The following SOCS2 variants were observed in gnomAD, a reference collection of about 807,000 sequenced individuals.
SOCS2 encodes CIS-2.
In SOCS2, 10 loss-of-function variants were observed where a neutral mutation model predicts 18.6. The observed-to-expected ratio is 0.54, with a 90% CI of 0.33 to 0.91. The LOEUF (loss-of-function observed/expected upper bound fraction) is 0.91. Ranked by LOEUF, SOCS2 falls within the 40% of genes least tolerant of loss-of-function variation. The probability of loss-of-function intolerance (pLI) is 0.02; values close to 1 mark genes in which losing one functional copy is unlikely to be tolerated. For synonymous variants in SOCS2, 104 were observed against 104.0 expected (o/e 1.00, Z 0.00); for missense variants, 231 against 247.2 (o/e 0.93, Z 0.44).
chr12:93,586,848 A>T (rs1954587475), downstream of SOCS2, among the ~76,000 whole-genome samples: 1 of 152,126 alleles, frequency 6.6e-6, no homozygotes, highest in Non-Finnish European at 1.5e-5. Context: ...TGTAGTCATG[A>T]AGCAAGGTTC....
the SOCS2 span, among the ~76,000 whole-genome samples, chr12:93,598,355 G>C: frequency 6.6e-6 from 1 of 152,128 alleles, no homozygotes; most frequent in African/African-American, 2.4e-5. Flanking sequence ...AGGAGAGGGG[G>C]AGATTAGGAA....
chr12:93,598,504 C>T, the SOCS2 span, among the ~76,000 whole-genome samples: 8 of 152,260 alleles, frequency 5.3e-5, no homozygotes, highest in East Asian at 7.7e-4. Context: ...AGAGTTAGGA[C>T]GCTGTTTCCA....
the SOCS2 span, among the ~76,000 whole-genome samples, chr12:93,601,108 CT>C: frequency 5.0e-5 from 7 of 140,642 alleles, no homozygotes; most frequent in Non-Finnish European, 6.1e-5. Context: ...CTCTCTCTCT[CT>C]TTTTTTTTTT....
chr12:93,620,193 T>C, the SOCS2 span, among the ~76,000 whole-genome samples: 1 of 152,218 alleles, frequency 6.6e-6, no homozygotes, highest in East Asian at 1.9e-4. Flanking sequence ...TTACATATAC[T>C]GTATAAACAA....
chr12:93,611,258 G>T, the SOCS2 span, among the ~76,000 whole-genome samples: 1 of 152,126 alleles, frequency 6.6e-6, no homozygotes, highest in African/African-American at 2.4e-5. Flanking sequence ...TGAGACAGGA[G>T]ACGGAGTCTC....
At chr12:93,597,679 G>A in the SOCS2 span, among the ~76,000 whole-genome samples, 1 of 152,094 alleles carries the variant, frequency 6.6e-6, no homozygotes, top group Admixed American at 6.6e-5. Context: ...AAAGTACAGG[G>A]AATATTGTAA....
chr12:93,578,424 G>A (rs1036311080), downstream of SOCS2, among the ~76,000 whole-genome samples: 1 of 152,154 alleles, frequency 6.6e-6, no homozygotes, highest in East Asian at 1.9e-4. Context: ...TTAGGCACGG[G>A]GTAGGTGGGG....
chr12:93,574,198 C>G (rs1464652422), intron 1 of SOCS2: 2 of 139,184 alleles, frequency 1.4e-5, no homozygotes, highest in African/African-American at 5.3e-5. Context: ...GCAGGCTTTG[C>G]AGATTCTTTT....
the SOCS2 span, among the ~76,000 whole-genome samples, chr12:93,614,536 C>CTTTCTCTTTCT: frequency 1.6e-5 from 1 of 60,920 alleles, no homozygotes; most frequent in African/African-American, 9.5e-5. Context: ...TCCTTCCTTC[C>CTTTCTCTTTCT]TTCCTTCTTT....
chr12:93,596,832 A>G, the SOCS2 span, among the ~76,000 whole-genome samples: 1 of 152,086 alleles, frequency 6.6e-6, no homozygotes, highest in Non-Finnish European at 1.5e-5. Context: ...TGTCTCAAAC[A>G]AACAACAACA....
chr12:93,617,982 T>C, the SOCS2 span, among the ~76,000 whole-genome samples: 2 of 152,150 alleles, frequency 1.3e-5, 1 homozygote, highest in East Asian at 3.9e-4. Context: ...GTGTTGGAAA[T>C]GGGATCTGGT....
At chr12:93,612,359 G>T in the SOCS2 span, among the ~76,000 whole-genome samples, 4 of 150,620 alleles carry the variant, frequency 2.7e-5, no homozygotes, top group South Asian at 8.4e-4. Flanking sequence ...CAGTGCCATT[G>T]TACTTTTTTT....
chr12:93,597,648 A>G, the SOCS2 span, among the ~76,000 whole-genome samples: 1 of 152,198 alleles, frequency 6.6e-6, no homozygotes. Context: ...AATTTTTTGT[A>G]TTATGAAATA....
At chr12:93,621,111 G>A in the SOCS2 span, among the ~76,000 whole-genome samples, 4 of 151,902 alleles carry the variant, frequency 2.6e-5, no homozygotes, top group Non-Finnish European at 5.9e-5. Context: ...ATACGTCCTC[G>A]TGACTGTTCC....
the SOCS2 span, among the ~76,000 whole-genome samples, chr12:93,591,450 T>C: frequency 2.0e-5 from 3 of 152,200 alleles, no homozygotes; most frequent in African/African-American, 7.2e-5. Context: ...TCTGTCTGTC[T>C]GCGGCAAGAG....
At chr12:93,582,526 A>C (rs933273308) in intron 1 of SOCS2, among the ~76,000 whole-genome samples, 1 of 151,548 alleles carries the variant, frequency 6.6e-6, no homozygotes, top group Non-Finnish European at 1.5e-5. Context: ...TCAGAGGTTG[A>C]CTCTTTCCTT....
At chr12:93,596,004 C>T in the SOCS2 span, among the ~76,000 whole-genome samples, 1 of 152,054 alleles carries the variant, frequency 6.6e-6, no homozygotes, top group Admixed American at 6.5e-5. Flanking sequence ...CTGTGTTTGC[C>T]CCTGTTCCTA....
chr12:93,602,316 G>A, the SOCS2 span, among the ~76,000 whole-genome samples: 14 of 152,096 alleles, frequency 9.2e-5, no homozygotes, highest in Admixed American at 3.3e-4. Flanking sequence ...GGCTGTTCTC[G>A]AACTCCTGAG....
chr12:93,599,288 G>T, the SOCS2 span, among the ~76,000 whole-genome samples: 1 of 151,092 alleles, frequency 6.6e-6, no homozygotes, highest in African/African-American at 2.4e-5. Context: ...CAAGTGGCTG[G>T]AACTACAGGC....
Sources: allele counts gnomAD v4.1 joint callset (sites outside exome capture counted in the v4.1 genomes callset), GRCh38; gene constraint gnomAD v4.1.1; transcripts MANE v1.5; gene names NCBI Gene and HGNC (gene_info 2026-07-23, HGNC 2026-07-21).